NAA11: variants seen among roughly 807,000 people sequenced by gnomAD.
The protein encoded by NAA11 is N-alpha-acetyltransferase 11, NatA catalytic subunit, also known as N-alpha-acetyltransferase 11.
Under a neutral mutation model 16.1 loss-of-function variants are expected in NAA11, and 15 were observed. That is an observed-to-expected ratio of 0.93 (90% confidence interval 0.62 to 1.44). NAA11 has a LOEUF of 1.44. Ranked by LOEUF, NAA11 falls within the 40% of genes most tolerant of loss-of-function variation. The pLI is 0.00. For missense variants in NAA11, 298 were observed against 291.3 expected (o/e 1.02, Z -0.17); for synonymous variants, 122 against 112.4 (o/e 1.09, Z -0.54).
chr4:79,277,516 GAATT>G (rs761598625), intron 2 of NAA11, among the ~76,000 whole-genome samples: 32 of 152,166 alleles, frequency 2.1e-4, no homozygotes, highest in Non-Finnish European at 4.0e-4. Context: ...TCTTTTCAAA[GAATT>G]AATATGTCAT....
chr4:79,295,352 T>G (rs1232404698), intron 1 of NAA11, among the ~76,000 whole-genome samples: 3 of 152,252 alleles, frequency 2.0e-5, no homozygotes, highest in African/African-American at 7.2e-5. Context: ...TAACTCCATC[T>G]TGCTCAGGAA....
At chr4:79,157,129 TG>T in the NAA11 span, among the ~76,000 whole-genome samples, 1 of 152,204 alleles carries the variant, frequency 6.6e-6, no homozygotes, top group African/African-American at 2.4e-5. Context: ...CATAGGTTTT[TG>T]GGGAACAGTT....
the NAA11 span, among the ~76,000 whole-genome samples, chr4:79,201,201 A>G: frequency 6.6e-6 from 1 of 151,600 alleles, no homozygotes; most frequent in Non-Finnish European, 1.5e-5. Context: ...ATTATAAATC[A>G]TGCTGTAAAA....
At chr4:79,210,142 G>A in the NAA11 span, among the ~76,000 whole-genome samples, 16 of 152,112 alleles carry the variant, frequency 1.1e-4, no homozygotes, top group Admixed American at 1.0e-3. Flanking sequence ...TGATTCACTC[G>A]GGTGCGAGTG....
chr4:79,275,716 G>A (rs1399567605), intron 2 of NAA11, among the ~76,000 whole-genome samples: 1 of 152,082 alleles, frequency 6.6e-6, no homozygotes, highest in African/African-American at 2.4e-5. Flanking sequence ...CAAGGCTTTA[G>A]TTTCCTAGGG....
chr4:79,212,686 C>T, the NAA11 span, among the ~76,000 whole-genome samples: 1 of 151,932 alleles, frequency 6.6e-6, no homozygotes, highest in Non-Finnish European at 1.5e-5. Flanking sequence ...TTCATAGTCA[C>T]GTAACTTATA....
At chr4:79,273,309 A>G (rs769206970) in intron 2 of NAA11, among the ~76,000 whole-genome samples, 50 of 152,198 alleles carry the variant, frequency 3.3e-4, no homozygotes, top group Non-Finnish European at 5.0e-4. Context: ...ATAGTTTTAA[A>G]TAGATGAGGT....
chr4:79,256,639 TATATAAATATAA>T (rs1280602030), intron 2 of NAA11, among the ~76,000 whole-genome samples: 2 of 79,308 alleles, frequency 2.5e-5, no homozygotes, highest in Admixed American at 1.6e-4. Context: ...GAACCATATA[TATATAAATATAA>T]ATATATATAT....
In NAA11 at chr4:79,308,956, A is replaced by G. The variant is rs565889673; in HGVS notation, c.*13-14842T>C. On this transcript the variant is annotated intron_variant and NMD_transcript_variant, in intron 1 of 2. Coordinates refer to the NAA11 transcript ENST00000511542. ...TGTTTCATTACATGAATTATTTCCAATTCAACTTGGTTTGTGAAATAATGG... is the reference window on the plus strand; with the variant it reads ...TGTTTCATTACATGAATTATTTCCAGTTCAACTTGGTTTGTGAAATAATGG... 7.1e-4 allele frequency among the ~76,000 whole-genome samples: 108 copies of G among 152,324 alleles called. 1 individual carries two copies. The highest frequency in any genetic ancestry group is 2.3e-3 in the African/African-American group (97 of 41,570).
chr4:79,220,298 G>A, the NAA11 span, among the ~76,000 whole-genome samples: 2 of 152,078 alleles, frequency 1.3e-5, no homozygotes, highest in Non-Finnish European at 2.9e-5. Flanking sequence ...TCGCCATATT[G>A]GCCAGGCTGA....
the NAA11 span, among the ~76,000 whole-genome samples, chr4:79,206,605 C>A: frequency 6.6e-6 from 1 of 152,084 alleles, no homozygotes; most frequent in African/African-American, 2.4e-5. Context: ...GGTGTTTTTA[C>A]CTTTCTCAGC....
the NAA11 span, among the ~76,000 whole-genome samples, chr4:79,188,056 C>A: frequency 7.7e-6 from 1 of 129,994 alleles, no homozygotes; most frequent in Non-Finnish European, 1.7e-5. Context: ...TTAACAACAA[C>A]AAAACAGAAT....
chr4:79,298,763 G>A (rs1389150531), intron 1 of NAA11, among the ~76,000 whole-genome samples: 1 of 152,268 alleles, frequency 6.6e-6, no homozygotes, highest in Non-Finnish European at 1.5e-5. Flanking sequence ...TACTGGCCAA[G>A]TGGGCGAAAT....
At chr4:79,279,109 CAT>C (rs1025419432) in intron 2 of NAA11, among the ~76,000 whole-genome samples, 7 of 152,050 alleles carry the variant, frequency 4.6e-5, no homozygotes, top group Non-Finnish European at 7.4e-5. Flanking sequence ...AAGTTTCTAA[CAT>C]ATGAATTTTG....
chr4:79,228,488 G>T (rs6827253), intron 2 of NAA11, among the ~76,000 whole-genome samples: 1 of 151,760 alleles, frequency 6.6e-6, no homozygotes, highest in South Asian at 2.1e-4. Flanking sequence ...GTTCTTTATA[G>T]TCATACCTTC....
intron 2 of NAA11, among the ~76,000 whole-genome samples, chr4:79,249,420 C>T (rs1721939670): frequency 6.6e-6 from 1 of 152,116 alleles, no homozygotes; most frequent in Non-Finnish European, 1.5e-5. Flanking sequence ...CAAGAAAGAA[C>T]CAAACTCATC....
At chr4:79,249,651 T>A (rs1721948024) in intron 2 of NAA11, among the ~76,000 whole-genome samples, 1 of 152,172 alleles carries the variant, frequency 6.6e-6, no homozygotes, top group African/African-American at 2.4e-5. Flanking sequence ...TTGGTGTCCC[T>A]GAAAGAAAGA....
At chr4:79,169,805 G>C in the NAA11 span, among the ~76,000 whole-genome samples, 1 of 152,136 alleles carries the variant, frequency 6.6e-6, no homozygotes, top group African/African-American at 2.4e-5. Context: ...GGGAACATCT[G>C]CTCCCATGAT....
At chr4:79,323,898 G>T (rs1158597039) in intron 1 of NAA11, among the ~76,000 whole-genome samples, 1 of 152,034 alleles carries the variant, frequency 6.6e-6, no homozygotes, top group East Asian at 1.9e-4. Context: ...AGTTACTTGG[G>T]AGGCTGAGGC....
Sources: allele counts gnomAD v4.1 joint callset (sites outside exome capture counted in the v4.1 genomes callset), GRCh38; gene constraint gnomAD v4.1.1; transcripts MANE v1.5; gene names NCBI Gene and HGNC (gene_info 2026-07-23, HGNC 2026-07-21).